Variants in ZSCAN5A observed in about 807,000 individuals in gnomAD.
ZSCAN5A encodes zinc finger and SCAN domain-containing protein 5A.
A neutral mutation model predicts 23.7 loss-of-function variants in ZSCAN5A; 12 were observed. The ratio of observed to expected loss-of-function variants is 0.51; its 90% CI spans 0.32 to 0.82. The LOEUF is 0.82. ZSCAN5A is among the 40% of genes least tolerant of loss of function. The probability of loss-of-function intolerance (pLI) is 0.03; values close to 1 mark genes in which losing one functional copy is unlikely to be tolerated. For synonymous variants in ZSCAN5A, 257 were observed against 239.9 expected (o/e 1.07, Z -0.66); for missense variants, 597 against 617.9 (o/e 0.97, Z 0.36).
At chr19:56,320,072 T>C (rs1477014952) in intron 2 of ZSCAN5A, 2 of 778,914 alleles carry the variant, frequency 2.6e-6, no homozygotes, top group African/African-American at 3.4e-5. Context: ...AAATCTCTTC[T>C]TATACCTGTC....
At chr19:56,327,723 ATATT>A (rs1377819376) in intron 2 of ZSCAN5A, among the ~76,000 whole-genome samples, 36 of 151,688 alleles carry the variant, frequency 2.4e-4, no homozygotes, top group African/African-American at 4.8e-4. Context: ...ATTTATGTAT[ATATT>A]CAATTTTACA....
At position 56,224,515 on chromosome 19, in the gene ZSCAN5A, C is replaced by T. The variant is rs2033696673; in HGVS notation, c.384+148G>A. 10 of 1,102,912 alleles carry T rather than the reference C, an allele frequency of 9.1e-6. No homozygotes were observed. The Middle Eastern group carries it at 9.5e-4, about 104-fold the overall frequency. The allele number at this position is 1,102,912 out of a possible 1,614,324, so 68.3% of individuals were successfully genotyped here. ...CCTGACAACAAAAACTGTCCCCAGA[C>T]ACTGCCATGTGTCCCCGACGGGCAA... On this transcript the variant is annotated intron_variant, in intron 3 of 5. Transcript: ENST00000683990.
At chr19:56,223,554 A>G (rs2033537725) in intron 4 of ZSCAN5A, 77 bp downstream of exon 4, 6 of 1,469,446 alleles carry the variant, frequency 4.1e-6, no homozygotes, top group Admixed American at 3.9e-5. Flanking sequence ...AAATCTCTCA[A>G]TCAGTCCAGC....
intron 2 of ZSCAN5A, among the ~76,000 whole-genome samples, chr19:56,346,717 A>AT (rs1038670252): frequency 2.0e-4 from 30 of 146,760 alleles, no homozygotes; most frequent in Middle Eastern, 3.4e-3. Context: ...TTTATTTTTT[A>AT]TTTTTTTTTT....
At chr19:56,232,799 T>C (rs1277437764) in intron 2 of ZSCAN5A, among the ~76,000 whole-genome samples, 1 of 152,088 alleles carries the variant, frequency 6.6e-6, no homozygotes, top group Non-Finnish European at 1.5e-5. Context: ...TCACCTCAGC[T>C]TCCCCAGTAG....
chr19:56,331,378 T>C (rs939618570), intron 2 of ZSCAN5A, among the ~76,000 whole-genome samples: 2 of 152,178 alleles, frequency 1.3e-5, no homozygotes, highest in African/African-American at 4.8e-5. Flanking sequence ...AATATGTAAT[T>C]GCTTTGAGCA....
At chr19:56,268,013 G>T (rs2037592048) in intron 2 of ZSCAN5A, among the ~76,000 whole-genome samples, 1 of 152,170 alleles carries the variant, frequency 6.6e-6, no homozygotes, top group African/African-American at 2.4e-5. Flanking sequence ...TAAATCCGAT[G>T]ACACTTTTCA....
At position 56,278,101 on chromosome 19, in the gene ZSCAN5A, A is replaced by G. The variant is rs76204740; in HGVS notation, c.-128+35182T>C. ...CTGCTTCAGTCTGTCACAATGTGCT[A>G]TTTTTTTTTTTTTTAGCTTTATGTG... is the stretch of plus-strand genomic sequence containing the variant. On this transcript the variant is annotated intron_variant, in intron 2 of 5. Coordinates refer to ENST00000683990, the MANE Select transcript of ZSCAN5A (RefSeq NM_001322064.3). Among the ~76,000 whole-genome samples, 1,054 of 144,914 alleles carry G rather than the reference A, an allele frequency of 7.3e-3. 9 individuals are homozygous for G. The highest frequency in any genetic ancestry group is 0.026 in the African/African-American group (997 of 38,820).
At chr19:56,250,475 G>A (rs1429069194) in intron 2 of ZSCAN5A, among the ~76,000 whole-genome samples, 1 of 152,166 alleles carries the variant, frequency 6.6e-6, no homozygotes, top group African/African-American at 2.4e-5. Flanking sequence ...TTAAAATGCA[G>A]GGTCTGATTC....
chr19:56,268,334 G>T (rs1200582217), intron 2 of ZSCAN5A, among the ~76,000 whole-genome samples: 1 of 152,150 alleles, frequency 6.6e-6, no homozygotes, highest in African/African-American at 2.4e-5. Flanking sequence ...CCTGCGGCAG[G>T]GACAGAATGC....
chr19:56,331,575 A>ATT (rs1568755642), intron 2 of ZSCAN5A, among the ~76,000 whole-genome samples: 42 of 60,218 alleles, frequency 7.0e-4, no homozygotes, highest in African/African-American at 1.4e-3. Context: ...ATGGAATTGC[A>ATT]TTCTTTTTTT....
chr19:56,242,162 G>A (rs1231489151), intron 2 of ZSCAN5A, among the ~76,000 whole-genome samples: 1 of 152,054 alleles, frequency 6.6e-6, no homozygotes, highest in East Asian at 1.9e-4. Context: ...AGCACGGGGC[G>A]CAGAGGACCC....
intron 2 of ZSCAN5A, among the ~76,000 whole-genome samples, chr19:56,331,047 A>G (rs1188326633): frequency 6.6e-6 from 1 of 152,202 alleles, no homozygotes; most frequent in African/African-American, 2.4e-5. Flanking sequence ...TCTCAGCACC[A>G]TTTATTAAAT....
intron 2 of ZSCAN5A, among the ~76,000 whole-genome samples, chr19:56,244,659 C>A (rs2035719697): frequency 6.9e-6 from 1 of 144,392 alleles, no homozygotes; most frequent in African/African-American, 2.8e-5. Flanking sequence ...CCCACCATGA[C>A]AAATAATCTT....
At chr19:56,246,569 C>T (rs1031934459) in intron 2 of ZSCAN5A, 3 of 660,708 alleles carry the variant, frequency 4.5e-6, no homozygotes, top group Non-Finnish European at 8.2e-6. Flanking sequence ...CACTCAGCTG[C>T]CAAAGCCTCT....
At chr19:56,240,456 T>A (rs1221900216) in intron 2 of ZSCAN5A, among the ~76,000 whole-genome samples, 2 of 152,034 alleles carry the variant, frequency 1.3e-5, no homozygotes, top group African/African-American at 4.8e-5. Flanking sequence ...GACTTCTCCA[T>A]AAATAGGCGC....
At chr19:56,289,716 C>T (rs530404386) in intron 2 of ZSCAN5A, among the ~76,000 whole-genome samples, 2 of 152,268 alleles carry the variant, frequency 1.3e-5, no homozygotes, top group Non-Finnish European at 2.9e-5. Context: ...CAGGCTCAAG[C>T]AATCCTCCTG....
chr19:56,333,466 C>A (rs2041507516), intron 2 of ZSCAN5A, among the ~76,000 whole-genome samples: 3 of 151,246 alleles, frequency 2.0e-5, no homozygotes, highest in Non-Finnish European at 1.5e-5. Context: ...TTTTGAAATT[C>A]CTTAATTGAG....
chr19:56,313,688 T>C (rs934186031), intron 1 of ZSCAN5A, among the ~76,000 whole-genome samples: 1 of 152,282 alleles, frequency 6.6e-6, no homozygotes, highest in African/African-American at 2.4e-5. Flanking sequence ...GATGATTATA[T>C]GTCCAGGTGC....
Sources: allele counts gnomAD v4.1 joint callset (sites outside exome capture counted in the v4.1 genomes callset), GRCh38; gene constraint gnomAD v4.1.1; transcripts MANE v1.5; gene names NCBI Gene and HGNC (gene_info 2026-07-23, HGNC 2026-07-21).